Variants in TYW1 observed in about 807,000 individuals in gnomAD.
The protein encoded by TYW1 is S-adenosyl-L-methionine-dependent tRNA 4-demethylwyosine synthase TYW1.
A neutral mutation model predicts 96.2 loss-of-function variants in TYW1; 46 were observed. The ratio of observed to expected loss-of-function variants is 0.48; its 90% CI spans 0.38 to 0.61. TYW1 has a LOEUF of 0.61. Among genes scored for constraint, TYW1 ranks in the 20% least tolerant of loss-of-function variants. The probability of loss-of-function intolerance (pLI) is 0.00; values close to 1 mark genes in which losing one functional copy is unlikely to be tolerated. For synonymous variants in TYW1, 274 were observed against 323.0 expected, an observed-to-expected ratio of 0.85 and a Z score of 1.63; for missense variants, 684 against 909.6, an observed-to-expected ratio of 0.75 and a Z score of 3.19.
chr7:67,057,307 C>T (rs540335959), intron 9 of TYW1, among the ~76,000 whole-genome samples: 11 of 151,904 alleles, frequency 7.2e-5, no homozygotes, highest in Non-Finnish European at 1.3e-4. Flanking sequence ...GCCACCGTGC[C>T]TGGCCCTCAT....
intron 14 of TYW1, among the ~76,000 whole-genome samples, chr7:67,191,392 A>G (rs2949096): frequency 0.29 from 43,641 of 151,532 alleles, 6,984 homozygotes; most frequent in African/African-American, 0.43. Context: ...TGTTCTTCAC[A>G]AACATTCTTG....
chr7:67,038,819 G>T (rs1271532206), intron 7 of TYW1, among the ~76,000 whole-genome samples: 1 of 151,950 alleles, frequency 6.6e-6, no homozygotes, highest in African/African-American at 2.4e-5. Context: ...CAGGAGAATC[G>T]CTTGAACCCC....
At chr7:67,201,307 AAACAACAACAACAACAACAAC>A (rs200234600) in intron 15 of TYW1, among the ~76,000 whole-genome samples, 6 of 113,736 alleles carry the variant, frequency 5.3e-5, no homozygotes, top group African/African-American at 2.1e-4. Context: ...TCCATTTCTA[AAACAACAACAACAACAACAAC>A]AACAACAACA....
intron 7 of TYW1, among the ~76,000 whole-genome samples, chr7:67,030,681 G>C (rs1020967079): frequency 1.3e-5 from 2 of 151,882 alleles, no homozygotes; most frequent in Non-Finnish European, 2.9e-5. Context: ...TTGTTTTTCT[G>C]AATAGCATTC....
intron 12 of TYW1, among the ~76,000 whole-genome samples, chr7:67,114,986 AGT>A (rs1217236595): frequency 6.6e-6 from 1 of 151,920 alleles, no homozygotes; most frequent in African/African-American, 2.4e-5. Flanking sequence ...GACTTCCTTG[AGT>A]GTAGCATCTC....
At chr7:67,109,502 G>A (rs1430693478) in intron 12 of TYW1, among the ~76,000 whole-genome samples, 1 of 152,014 alleles carries the variant, frequency 6.6e-6, no homozygotes, top group African/African-American at 2.4e-5. Context: ...ATATATTCAC[G>A]AAAAAATGGT....
chr7:67,068,281 C>T (rs1795930589), intron 10 of TYW1, among the ~76,000 whole-genome samples: 1 of 152,208 alleles, frequency 6.6e-6, no homozygotes, highest in South Asian at 2.1e-4. Context: ...CTTGGCCTCC[C>T]AAAGTGCTGG....
intron 14 of TYW1, among the ~76,000 whole-genome samples, chr7:67,189,689 G>T (rs1800149664): frequency 6.6e-6 from 1 of 151,918 alleles, no homozygotes. Flanking sequence ...AATTCAATGG[G>T]GTAATGTATG....
Position 67,018,199 on chromosome 7 carries a change from G to A in TYW1, c.861+56G>A. On this transcript the variant is annotated intron_variant, in intron 6 of 15. Coordinates refer to ENST00000359626, the MANE Select transcript of TYW1 (RefSeq NM_018264.4). Reference sequence around the variant, plus strand: ...CTTTCCTCTTCTGCTTGGAGATCTCGAGCTTGACCTCTTTCTCAATAAACC... The same window carrying A: ...CTTTCCTCTTCTGCTTGGAGATCTCAAGCTTGACCTCTTTCTCAATAAACC... 5.7e-6 allele frequency: 9 copies of A among 1,568,452 alleles called. No individual in the cohort carries two copies. In the South Asian group the frequency reaches 7.2e-5, roughly 13 times the overall value.
At chr7:67,228,870 G>T (rs539903130) in intron 15 of TYW1, among the ~76,000 whole-genome samples, 1 of 152,290 alleles carries the variant, frequency 6.6e-6, no homozygotes, top group African/African-American at 2.4e-5. Context: ...GAGATGACTG[G>T]ATTTCCCGTA....
intron 12 of TYW1, among the ~76,000 whole-genome samples, chr7:67,114,087 C>T (rs1797514868): frequency 6.6e-6 from 1 of 152,244 alleles, no homozygotes; most frequent in Non-Finnish European, 1.5e-5. Flanking sequence ...AAGCACACAG[C>T]AGAGTGTGCC....
intron 6 of TYW1, among the ~76,000 whole-genome samples, chr7:67,020,016 C>T (rs1452017376): frequency 2.0e-5 from 3 of 152,220 alleles, no homozygotes; most frequent in African/African-American, 7.2e-5. Context: ...CATTTCAGTC[C>T]AAGCTATGAC....
At chr7:67,205,419 C>T (rs13222551) in intron 15 of TYW1, among the ~76,000 whole-genome samples, 23,228 of 149,230 alleles carry the variant, frequency 0.16, 1,843 homozygotes, top group African/African-American at 0.21. Context: ...TGGGTGGTGG[C>T]AGAAGTCCTG....
intron 13 of TYW1, among the ~76,000 whole-genome samples, chr7:67,175,281 C>T (rs1265693647): frequency 2.0e-5 from 3 of 151,298 alleles, no homozygotes; most frequent in Non-Finnish European, 4.4e-5. Context: ...AAGTGATTCT[C>T]GTGCCTCAGC....
At chr7:67,139,742 T>TGTGTGTGG in intron 13 of TYW1, among the ~76,000 whole-genome samples, 1 of 150,826 alleles carries the variant, frequency 6.6e-6, no homozygotes, top group East Asian at 1.9e-4. Flanking sequence ...TGTGTGTGTG[T>TGTGTGTGG]GTGTGTGTGT....
chr7:67,130,116 C>T (rs907310684), intron 13 of TYW1, among the ~76,000 whole-genome samples: 16 of 151,942 alleles, frequency 1.1e-4, no homozygotes, highest in African/African-American at 3.6e-4. Flanking sequence ...CGTGGTGGCT[C>T]ATGCCTCTAA....
intron 4 of TYW1, among the ~76,000 whole-genome samples, chr7:67,013,994 C>T (rs1478725251): frequency 1.3e-5 from 2 of 152,250 alleles, no homozygotes; most frequent in Admixed American, 6.5e-5. Flanking sequence ...CCGCCCGCCT[C>T]AGCCTCCCAA....
chr7:67,027,758 G>A (rs1172309091), intron 7 of TYW1, among the ~76,000 whole-genome samples: 4 of 151,710 alleles, frequency 2.6e-5, no homozygotes, highest in African/African-American at 7.3e-5. Context: ...GTGAAACCCC[G>A]TCTCTACTAA....
At chr7:67,122,456 A>G (rs1038622745) in intron 13 of TYW1, among the ~76,000 whole-genome samples, 2 of 152,236 alleles carry the variant, frequency 1.3e-5, no homozygotes, top group African/African-American at 2.4e-5. Context: ...TAAAAATATT[A>G]TGTGCTGCTT....
Sources: gnomAD v4.1 joint callset for allele counts (sites outside exome capture counted in the v4.1 genomes callset) on GRCh38, gnomAD v4.1.1 for gene constraint, MANE v1.5 for transcripts, NCBI Gene and HGNC (gene_info 2026-07-23, HGNC 2026-07-21) for gene names.